The following INTS8 variants were observed in gnomAD, a reference collection of about 807,000 sequenced individuals.
The protein encoded by INTS8 is protein kaonashi-1.
A neutral mutation model predicts 138.9 loss-of-function variants in INTS8; 47 were observed. That is an observed-to-expected ratio of 0.34 (90% CI 0.27 to 0.43). INTS8 has a LOEUF of 0.43. Ranked by LOEUF, INTS8 falls within the 20% of genes least tolerant of loss-of-function variation. INTS8 has a pLI of 1.00. For synonymous variants in INTS8, 392 were observed against 400.9 expected, an observed-to-expected ratio of 0.98 and a Z score of 0.27; for missense variants, 996 against 1,173.0, an observed-to-expected ratio of 0.85 and a Z score of 2.20.
rs1195647511 is a variant in INTS8, at chr8:94,861,056, CA to C, written c.2076+1443del. On this transcript the variant is annotated intron_variant, in intron 16 of 26. Transcript: ENST00000523731. ...TGGGCGACAGAGTGAGACTCTGTCT[CA>C]AAAAAAAAAAAAAAAAAATCCTTTA... Among the ~76,000 whole-genome samples, 859 of 99,734 alleles carry C rather than the reference CA, an allele frequency of 8.6e-3. 4 individuals carry two copies. Among genetic ancestry groups the C allele is most frequent in the African/African-American group, 0.025 (633 of 25,680 alleles). The allele number at this position is 99,734 out of a possible 152,430, so 65.4% of individuals were successfully genotyped here.
At chr8:94,842,719 T>G (rs1330869724) in intron 10 of INTS8, among the ~76,000 whole-genome samples, 4 of 152,246 alleles carry the variant, frequency 2.6e-5, no homozygotes, top group Non-Finnish European at 4.4e-5. Flanking sequence ...TAGTCCTTCA[T>G]TGACTTCTCT....
intron 23 of INTS8, among the ~76,000 whole-genome samples, chr8:94,875,239 G>C (rs993994642): frequency 1.3e-5 from 2 of 152,150 alleles, no homozygotes; most frequent in African/African-American, 4.8e-5. Flanking sequence ...ATCAAATGAT[G>C]AATGACTGAA....
At chr8:94,860,920 A>G (rs1001088118) in intron 16 of INTS8, among the ~76,000 whole-genome samples, 17 of 151,092 alleles carry the variant, frequency 1.1e-4, no homozygotes, top group Admixed American at 4.6e-4. Flanking sequence ...AGCCGGGCGT[A>G]GTGGCGGGCT....
chr8:94,840,651 G>A (rs1354276947), intron 8 of INTS8, among the ~76,000 whole-genome samples: 2 of 147,978 alleles, frequency 1.4e-5, no homozygotes, highest in East Asian at 2.0e-4. Context: ...TCTGCTGCCC[G>A]GGTCCAAGTG....
At chr8:94,872,250 G>A (rs527768113) in intron 21 of INTS8, among the ~76,000 whole-genome samples, 72 of 151,698 alleles carry the variant, frequency 4.7e-4, no homozygotes, top group Middle Eastern at 3.4e-3. Flanking sequence ...TTTTGTGTGT[G>A]TGTGATGGAG....
chr8:94,836,511 A>G lies in INTS8; in HGVS notation c.754-13A>G, dbSNP rs778250436. On this transcript the variant is annotated splice_polypyrimidine_tract_variant and intron_variant, in intron 6 of 26. Transcript: ENST00000523731. Reference sequence around the variant, plus strand: ...GAAATTGTTAAGCAAATTGGTGTTCATTATTATTTCAGGTGTGCTATGATT... The same window carrying G: ...GAAATTGTTAAGCAAATTGGTGTTCGTTATTATTTCAGGTGTGCTATGATT... The G allele has an allele frequency of 3.7e-6, 6 of 1,601,332 alleles. No individual in the cohort carries two copies. Among genetic ancestry groups the G allele is most frequent in the Non-Finnish European group, 4.3e-6 (5 of 1,169,572 alleles).
chr8:94,823,469 C>G lies in INTS8; in HGVS notation c.38C>G (p.Ser13Cys), dbSNP rs1476897348. ...AEAADREAAT[S>C]SRPCTPPQTC... ...GCGGCGGACCGGGAGGCGGCCACCT[C>G]CAGCCGGCCCTGCACCCCGCCGCAG... Residue 13 changes from serine to cysteine, a missense_variant, in exon 1 of 27, where the codon TCC (serine) becomes TGC (cysteine). By Grantham distance (112) the Ser-to-Cys change is moderately radical. Transcript: ENST00000523731. 3.9e-6 allele frequency: 6 copies of G among 1,547,330 alleles called. No homozygotes were observed. The highest frequency in any genetic ancestry group is 1.2e-5 in the South Asian group (1 of 83,880).
At position 94,829,104 on chromosome 8, in the gene INTS8, G is replaced by A. The variant is rs1036839604; in HGVS notation, c.570+78G>A. ...GCAGTTCCCAACCTTTTTGGCACCA[G>A]GGACTGGTTTTGTGGAAGGCAATTT... On this transcript the variant is annotated intron_variant, in intron 5 of 26. Coordinates refer to ENST00000523731, the MANE Select transcript of INTS8 (RefSeq NM_017864.4). The A allele has an allele frequency of 1.7e-5, 19 of 1,092,848 alleles. No homozygotes were observed. The African/African-American group carries it at 2.9e-4, about 16-fold the overall frequency. 67.7% of individuals were successfully genotyped at this position (1,092,848 alleles called of 1,614,324 possible). A position where few individuals can be genotyped will look rare whatever the true frequency, so the allele number is the denominator to read the frequency against.
chr8:94,850,347 T>C (rs1434385905), intron 12 of INTS8, among the ~76,000 whole-genome samples: 1 of 152,190 alleles, frequency 6.6e-6, no homozygotes, highest in Non-Finnish European at 1.5e-5. Context: ...GCGTGGTGGC[T>C]CACGCCTGTA....
At chr8:94,849,160 C>T (rs556861492) in intron 10 of INTS8, among the ~76,000 whole-genome samples, 9 of 152,080 alleles carry the variant, frequency 5.9e-5, no homozygotes, top group Admixed American at 5.9e-4. Context: ...TATGGTTTAT[C>T]ACTTAATATA....
intron 18 of INTS8, 160 bp from the exon 19 acceptor site, chr8:94,866,980 A>C: frequency 1.7e-6 from 1 of 577,938 alleles, no homozygotes; most frequent in Non-Finnish European, 3.0e-6. Flanking sequence ...ATGCGATTAA[A>C]AAGTTGATTT....
At chr8:94,834,109 A>G (rs987620770) in intron 6 of INTS8, among the ~76,000 whole-genome samples, 4 of 152,128 alleles carry the variant, frequency 2.6e-5, no homozygotes, top group African/African-American at 9.7e-5. Context: ...TTTACCTTAG[A>G]CTTAAAAAGA....
chr8:94,854,677 A>G (rs1416992232), intron 14 of INTS8, among the ~76,000 whole-genome samples: 1 of 152,198 alleles, frequency 6.6e-6, no homozygotes, highest in Admixed American at 6.5e-5. Flanking sequence ...GAAATGAACT[A>G]AAATTGAGGC....
intron 1 of INTS8, 91 bp from the exon 2 acceptor site, chr8:94,824,802 C>G (rs1453107855): frequency 1.4e-5 from 1 of 70,908 alleles, no homozygotes; most frequent in African/African-American, 5.4e-5. Flanking sequence ...CCCCCACCCA[C>G]CCCCCCAAAA....
intron 10 of INTS8, 126 bp downstream of exon 10, chr8:94,842,614 A>G: frequency 1.5e-6 from 1 of 680,440 alleles, no homozygotes; most frequent in Non-Finnish European, 2.4e-6. Context: ...GACAATTGGC[A>G]CTTTTGACAG....
intron 20 of INTS8, among the ~76,000 whole-genome samples, 176 bp from the exon 21 acceptor site, chr8:94,871,708 C>T (rs1478052628): frequency 6.6e-6 from 1 of 152,308 alleles, no homozygotes; most frequent in East Asian, 1.9e-4. Flanking sequence ...AAGCCCATCA[C>T]ACTTTCTTAG....
intron 10 of INTS8, 110 bp from the exon 11 acceptor site, chr8:94,849,352 T>G (rs1246791809): frequency 1.5e-6 from 1 of 679,716 alleles, no homozygotes; most frequent in Non-Finnish European, 2.6e-6. Flanking sequence ...CTGTGATTGG[T>G]ACATTGTTGA....
At chr8:94,843,935 A>G (rs903257953) in intron 10 of INTS8, among the ~76,000 whole-genome samples, 1 of 144,260 alleles carries the variant, frequency 6.9e-6, no homozygotes, top group African/African-American at 2.6e-5. Context: ...CATTTCTACA[A>G]CTCTTCATTT....
At position 94,836,742 on chromosome 8, in the gene INTS8, G is replaced by A. The variant is rs1814939936; in HGVS notation, c.861+111G>A. ...AACGTGTTCATTATTATAAATGTGT[G>A]ATGTTCAAGAAAGTACTAAAACTGG... On this transcript the variant is annotated intron_variant, in intron 7 of 26. Transcript: ENST00000523731. 1.7e-5 allele frequency: 11 copies of A among 652,444 alleles called. No homozygotes were observed. The South Asian group carries it at 2.2e-4, about 13-fold the overall frequency. The allele number at this position is 652,444 out of a possible 1,614,324, so 40.4% of individuals were successfully genotyped here. A position where few individuals can be genotyped will look rare whatever the true frequency, so the allele number is the denominator to read the frequency against.
Sources: allele counts gnomAD v4.1 joint callset (sites outside exome capture counted in the v4.1 genomes callset), GRCh38; gene constraint gnomAD v4.1.1; transcripts MANE v1.5; gene names NCBI Gene and HGNC (gene_info 2026-07-23, HGNC 2026-07-21).